The following PFKFB1 variants were observed in gnomAD, a reference collection of about 807,000 sequenced individuals.
PFKFB1 encodes 6-phosphofructo-2-kinase/fructose-2,6-bisphosphatase 1.
A neutral mutation model predicts 46.4 loss-of-function variants in PFKFB1; 34 were observed. That is an observed-to-expected ratio of 0.73 (90% CI 0.56 to 0.98). The LOEUF (loss-of-function observed/expected upper bound fraction) is 0.98. Among genes scored for constraint, PFKFB1 ranks in the 50% least tolerant of loss-of-function variants. The pLI is 0.00. For synonymous variants in PFKFB1, 119 were observed against 133.8 expected, an observed-to-expected ratio of 0.89 and a Z score of 0.76; for missense variants, 393 against 376.3, an observed-to-expected ratio of 1.04 and a Z score of -0.37.
intron 1 of PFKFB1, among the ~76,000 whole-genome samples, chrX:54,977,931 C>G (rs1458424883): frequency 9.0e-6 from 1 of 110,872 alleles, no homozygotes; most frequent in East Asian, 2.9e-4. Flanking sequence ...TTTGCTCAAG[C>G]CTATAGAATG....
In PFKFB1 at chrX:54,937,681, T is replaced by A. The variant is rs776503507; in HGVS notation, c.1142A>T (p.Glu381Val). 1.7e-6 allele frequency: 2 copies of A among 1,205,036 alleles called. No individual in the cohort carries two copies. Among genetic ancestry groups the A allele is most frequent in the South Asian group, 3.5e-5 (2 of 56,536 alleles). The stretch of plus-strand genomic sequence containing the variant: ...CAGTACATTCTCCTGTCGTTCTAGC[T>A]CCATTATCACTGGCTCCAGACGCTG... ...LVQRLEPVIM[E>V]LERQENVLVI... The change falls in exon 11 of 14, where the codon GAG becomes GTG. Residue 381 changes from glutamate to valine, a missense_variant. Physicochemically the swap from Glu to Val is moderately radical, Grantham distance 121 (BLOSUM62 -2). Coordinates refer to ENST00000375006, the MANE Select transcript of PFKFB1 (RefSeq NM_002625.4).
chrX:54,949,032 CAA>C, intron 9 of PFKFB1, 41 bp downstream of exon 9: 1 of 1,193,385 alleles, frequency 8.4e-7, no homozygotes, highest in Non-Finnish European at 1.1e-6. Flanking sequence ...ATCCCAGACT[CAA>C]GTCACCCCCA....
intron 1 of PFKFB1, among the ~76,000 whole-genome samples, chrX:54,971,602 C>T (rs1199578844): frequency 8.9e-6 from 1 of 112,107 alleles, no homozygotes; most frequent in Non-Finnish European, 1.9e-5. Context: ...GGAATCCTTT[C>T]CCCATTGCTT....
intron 12 of PFKFB1, 128 bp from the exon 13 acceptor site, chrX:54,934,013 G>A (rs1421562333): frequency 2.0e-5 from 10 of 489,856 alleles, no homozygotes; most frequent in East Asian, 1.1e-4. Flanking sequence ...ATCATGACTC[G>A]CCTGTATGGA....
At chrX:54,953,274 A>C (rs1934041109) in intron 7 of PFKFB1, among the ~76,000 whole-genome samples, 1 of 111,753 alleles carries the variant, frequency 8.9e-6, no homozygotes, top group Admixed American at 9.5e-5. Context: ...CACTAACTCC[A>C]GGCAGGTAAG....
At chrX:54,944,897 T>C (rs747028471) in intron 10 of PFKFB1, among the ~76,000 whole-genome samples, 20 of 112,378 alleles carry the variant, frequency 1.8e-4, no homozygotes, top group Admixed American at 1.7e-3. Flanking sequence ...ATATCAGAAA[T>C]AAAGTATGAC....
At chrX:54,949,864 G>A (rs1238982392) in intron 8 of PFKFB1, among the ~76,000 whole-genome samples, 1 of 112,605 alleles carries the variant, frequency 8.9e-6, no homozygotes, top group Non-Finnish European at 1.9e-5. Flanking sequence ...AGGGGTTGTG[G>A]GATTTGGGAG....
At chrX:54,980,710 A>AACACACACACAC (rs751759536) in intron 1 of PFKFB1, among the ~76,000 whole-genome samples, 1 of 83,386 alleles carries the variant, frequency 1.2e-5, no homozygotes, top group African/African-American at 4.5e-5. Flanking sequence ...AAAAAAAGCC[A>AACACACACACAC]ACACACACAC....
At chrX:54,995,306 A>C (rs188374728), upstream of PFKFB1, among the ~76,000 whole-genome samples, 229 of 112,106 alleles carry the variant, frequency 2.0e-3, no homozygotes, top group African/African-American at 7.0e-3. Flanking sequence ...GCTGGGCTAC[A>C]CAAGGGCAAT....
chrX:54,983,509 T>C (rs1935045727), intron 1 of PFKFB1, among the ~76,000 whole-genome samples: 1 of 112,261 alleles, frequency 8.9e-6, no homozygotes, highest in Non-Finnish European at 1.9e-5. Context: ...CATTCTTTTT[T>C]ATGGCTGCAT....
chrX:54,984,586 T>C (rs926418504), intron 1 of PFKFB1, among the ~76,000 whole-genome samples: 1 of 112,250 alleles, frequency 8.9e-6, no homozygotes, highest in Non-Finnish European at 1.9e-5. Flanking sequence ...ACATGTGCCA[T>C]GCTACTGTTC....
In PFKFB1 at chrX:54,963,288, T is replaced by C. The variant is rs191607817; in HGVS notation, c.192A>G (p.Arg64=). ...GKTYISTKLT[R]YLNWIGTPTK... ...TTGGTGTTCCTATCCAGTTGAGATA[T>C]CGTGTGAGCTTTGTGGAGATATAGG... Residue 64 remains arginine, a synonymous_variant, in exon 2 of 14, where the codon CGA becomes CGG. Transcript: ENST00000375006. The C allele has an allele frequency of 1.4e-5, 17 of 1,207,834 alleles. No individual in the cohort carries two copies. In the East Asian group the frequency reaches 2.4e-4, roughly 17 times the overall value.
At chrX:54,996,554 C>T (rs150124161), upstream of PFKFB1, among the ~76,000 whole-genome samples, 2,440 of 112,144 alleles carry the variant, frequency 0.022, 57 homozygotes, top group African/African-American at 0.074. Context: ...GCTTGAAAGC[C>T]TAACTTAAAA....
intron 1 of PFKFB1, among the ~76,000 whole-genome samples, chrX:54,976,176 CT>C (rs1289499971): frequency 9.0e-6 from 1 of 110,834 alleles, no homozygotes; most frequent in Non-Finnish European, 1.9e-5. Flanking sequence ...ATTTTTTTAT[CT>C]GTGAAAGACA....
At chrX:54,950,506 T>C (rs1162297005) in intron 8 of PFKFB1, among the ~76,000 whole-genome samples, 1 of 111,900 alleles carries the variant, frequency 8.9e-6, no homozygotes, top group African/African-American at 3.2e-5. Context: ...CTGGGCCTGG[T>C]GCTCTGTGAG....
intron 1 of PFKFB1, among the ~76,000 whole-genome samples, chrX:54,965,520 C>T (rs1209702289): frequency 9.0e-6 from 1 of 111,465 alleles, no homozygotes; most frequent in Non-Finnish European, 1.9e-5. Flanking sequence ...ACTGAGGAAA[C>T]TCAACATCAG....
At chrX:54,989,584 G>T (rs1045239077) in intron 1 of PFKFB1, among the ~76,000 whole-genome samples, 1 of 111,938 alleles carries the variant, frequency 8.9e-6, no homozygotes, top group Non-Finnish European at 1.9e-5. Flanking sequence ...CTTAATCGAG[G>T]TATATAGTAC....
intron 3 of PFKFB1, among the ~76,000 whole-genome samples, chrX:54,960,565 G>A (rs1934280352): frequency 8.9e-6 from 1 of 112,102 alleles, no homozygotes; most frequent in South Asian, 3.8e-4. Flanking sequence ...GTTATGACCA[G>A]AAACAGGATT....
chrX:54,953,191 T>C (rs1934039608), intron 7 of PFKFB1, among the ~76,000 whole-genome samples: 2 of 111,643 alleles, frequency 1.8e-5, no homozygotes, highest in African/African-American at 6.5e-5. Flanking sequence ...AGTGGAAGGC[T>C]GGGGCAATGG....
Sources: allele counts gnomAD v4.1 joint callset (sites outside exome capture counted in the v4.1 genomes callset), GRCh38; gene constraint gnomAD v4.1.1; transcripts MANE v1.5; gene names NCBI Gene and HGNC (gene_info 2026-07-23, HGNC 2026-07-21).